KLHL1: variants seen among roughly 807,000 people sequenced by gnomAD.
KLHL1 encodes kelch like family member 1, also known as kelch-like protein 1.
KLHL1 carries 47 observed loss-of-function variants against 77.7 expected under a neutral mutation model. That is an observed-to-expected ratio of 0.60 (90% CI 0.48 to 0.77). The LOEUF (loss-of-function observed/expected upper bound fraction) is 0.77. Among genes scored for constraint, KLHL1 ranks in the 30% least tolerant of loss-of-function variants. The pLI, the probability that KLHL1 is intolerant of heterozygous loss-of-function variation, is 0.00. For missense variants in KLHL1, 925 were observed against 910.8 expected, an observed-to-expected ratio of 1.02 and a Z score of -0.20; for synonymous variants, 360 against 325.2, an observed-to-expected ratio of 1.11 and a Z score of -1.15.
At chr13:69,879,737 A>T (rs60495432) in intron 5 of KLHL1, among the ~76,000 whole-genome samples, 2,435 of 152,224 alleles carry the variant, frequency 0.016, 70 homozygotes, top group African/African-American at 0.055. Context: ...ACCCTAAATA[A>T]AAAATTGTAC....
At chr13:70,046,243 G>C (rs190839150) in intron 1 of KLHL1, among the ~76,000 whole-genome samples, 1 of 152,262 alleles carries the variant, frequency 6.6e-6, no homozygotes, top group Non-Finnish European at 1.5e-5. Context: ...TCATAAAGAG[G>C]AAGATGGGAA....
chr13:69,752,759 G>C (rs1874541714), intron 7 of KLHL1, among the ~76,000 whole-genome samples: 1 of 152,130 alleles, frequency 6.6e-6, no homozygotes, highest in Non-Finnish European at 1.5e-5. Context: ...TTAAGTGAAA[G>C]GAATCACTTG....
At chr13:70,052,703 T>C (rs987755520) in intron 1 of KLHL1, among the ~76,000 whole-genome samples, 14 of 151,962 alleles carry the variant, frequency 9.2e-5, no homozygotes, top group Non-Finnish European at 2.9e-5. Context: ...TCAGATTTTT[T>C]TGTTCCCTCT....
chr13:69,879,741 A>G (rs962368606), intron 5 of KLHL1, among the ~76,000 whole-genome samples: 9 of 152,164 alleles, frequency 5.9e-5, no homozygotes, highest in Admixed American at 1.3e-4. Flanking sequence ...TAAATAAAAA[A>G]TTGTACTCTT....
intron 7 of KLHL1, among the ~76,000 whole-genome samples, chr13:69,745,376 T>C (rs917559758): frequency 6.6e-6 from 1 of 152,020 alleles, no homozygotes; most frequent in African/African-American, 2.4e-5. Context: ...ATATAAATTG[T>C]CAATTTTAAA....
At chr13:70,053,062 G>A (rs1314767248) in intron 1 of KLHL1, among the ~76,000 whole-genome samples, 1 of 151,870 alleles carries the variant, frequency 6.6e-6, no homozygotes, top group African/African-American at 2.4e-5. Context: ...ATTTTTGTAT[G>A]CAGAGAAATA....
At position 69,811,018 on chromosome 13, in the gene KLHL1, T is replaced by C. The variant is rs568304040; in HGVS notation, c.1415-14056A>G. ...AAAAAAAGCCCTATACCAGATGGAT[T>C]CACAGCAGAATTCTATCAGACATAC... On this transcript the variant is annotated intron_variant, in intron 6 of 10. Transcript: ENST00000377844. Among the ~76,000 whole-genome samples, 13 of 152,254 alleles carry C rather than the reference T, an allele frequency of 8.5e-5. No individual in the cohort carries two copies. In the South Asian group the frequency reaches 2.7e-3, roughly 32 times the overall value.
At chr13:69,820,554 C>G (rs541617453) in intron 6 of KLHL1, among the ~76,000 whole-genome samples, 4 of 152,014 alleles carry the variant, frequency 2.6e-5, no homozygotes, top group Non-Finnish European at 5.9e-5. Context: ...GAGGCATAAG[C>G]GTAATATAAA....
At chr13:69,864,268 C>A (rs1423674917) in intron 5 of KLHL1, among the ~76,000 whole-genome samples, 1 of 151,770 alleles carries the variant, frequency 6.6e-6, no homozygotes, top group Non-Finnish European at 1.5e-5. Flanking sequence ...GCTATTAAAG[C>A]ACTCATCTAA....
chr13:69,720,702 G>A (rs1226778137), intron 8 of KLHL1, among the ~76,000 whole-genome samples: 2 of 151,666 alleles, frequency 1.3e-5, no homozygotes, highest in African/African-American at 2.4e-5. Flanking sequence ...AGTGATTGGA[G>A]GTGAGTTCAG....
At chr13:69,897,570 A>G (rs1881692869) in intron 4 of KLHL1, among the ~76,000 whole-genome samples, 1 of 152,184 alleles carries the variant, frequency 6.6e-6, no homozygotes, top group African/African-American at 2.4e-5. Context: ...CTAGCGAGGG[A>G]CATTGGTTCC....
intron 1 of KLHL1, among the ~76,000 whole-genome samples, chr13:70,023,771 T>C (rs1183295302): frequency 1.3e-5 from 2 of 151,942 alleles, no homozygotes; most frequent in African/African-American, 4.8e-5. Flanking sequence ...TTCTAGCTTG[T>C]TTGTATATCC....
chr13:69,934,243 G>T (rs1023221068), intron 4 of KLHL1, among the ~76,000 whole-genome samples: 1 of 152,086 alleles, frequency 6.6e-6, no homozygotes, highest in African/African-American at 2.4e-5. Flanking sequence ...TAAAGCTGCT[G>T]CTTATGTGCC....
intron 7 of KLHL1, among the ~76,000 whole-genome samples, chr13:69,778,792 C>CTTTTTTTTTTT (rs1172258314): frequency 3.0e-5 from 3 of 99,216 alleles, no homozygotes; most frequent in African/African-American, 8.4e-5. Flanking sequence ...TATTCCCTCT[C>CTTTTTTTTTTT]TTTTTTTTTT....
intron 3 of KLHL1, among the ~76,000 whole-genome samples, chr13:69,947,028 T>TTGTG (rs59606834): frequency 1.3e-3 from 184 of 146,008 alleles, no homozygotes; most frequent in Non-Finnish European, 2.0e-3. Context: ...TGTGTGTGTG[T>TTGTG]TGTGTGTGTG....
chr13:69,754,405 G>A (rs1874618525), intron 7 of KLHL1, among the ~76,000 whole-genome samples: 1 of 152,086 alleles, frequency 6.6e-6, no homozygotes, highest in South Asian at 2.1e-4. Flanking sequence ...TATCCTTTTT[G>A]TATATACAAA....
intron 1 of KLHL1, among the ~76,000 whole-genome samples, chr13:70,051,692 T>C (rs1006170310): frequency 6.6e-6 from 1 of 152,000 alleles, no homozygotes; most frequent in Non-Finnish European, 1.5e-5. Context: ...GCAGGAACAT[T>C]ACTAAGACTA....
intron 6 of KLHL1, among the ~76,000 whole-genome samples, chr13:69,837,126 A>G (rs1336569770): frequency 6.6e-6 from 1 of 151,874 alleles, no homozygotes; most frequent in Non-Finnish European, 1.5e-5. Flanking sequence ...AATATTATAA[A>G]TTCTTATATA....
chr13:69,969,705 A>AGC (rs2137282741), intron 2 of KLHL1, among the ~76,000 whole-genome samples: 1 of 152,286 alleles, frequency 6.6e-6, no homozygotes, highest in African/African-American at 2.4e-5. Context: ...ATTAAAAAAA[A>AGC]CTGCAGAAAA....
Sources: gnomAD v4.1 joint callset for allele counts (sites outside exome capture counted in the v4.1 genomes callset) on GRCh38, gnomAD v4.1.1 for gene constraint, MANE v1.5 for transcripts, NCBI Gene and HGNC (gene_info 2026-07-23, HGNC 2026-07-21) for gene names.